Variants in PLCB1 observed in about 807,000 individuals in gnomAD.
PLCB1 encodes 1-phosphatidylinositol 4,5-bisphosphate phosphodiesterase beta-1.
In PLCB1, 46 loss-of-function variants were observed where a neutral mutation model predicts 161.8. The observed-to-expected ratio is 0.28, with a 90% CI of 0.22 to 0.36. PLCB1 has a LOEUF of 0.36. PLCB1 is among the 10% of genes least tolerant of loss of function. The probability of loss-of-function intolerance (pLI) is 1.00; values close to 1 mark genes in which losing one functional copy is unlikely to be tolerated. For synonymous variants in PLCB1, 517 were observed against 503.7 expected (o/e 1.03, Z -0.35); for missense variants, 1,016 against 1,472.5 (o/e 0.69, Z 5.07).
intron 2 of PLCB1, among the ~76,000 whole-genome samples, chr20:8,234,630 G>C (rs1054260163): frequency 6.6e-6 from 1 of 152,004 alleles, no homozygotes; most frequent in Non-Finnish European, 1.5e-5. Flanking sequence ...CAAGACATAC[G>C]CATACTTTAG....
chr20:8,443,860 A>G (rs1451099359), intron 3 of PLCB1, among the ~76,000 whole-genome samples: 1 of 151,922 alleles, frequency 6.6e-6, no homozygotes, highest in African/African-American at 2.4e-5. Context: ...TTCCACCCCT[A>G]CCCCAATTCT....
intron 26 of PLCB1, among the ~76,000 whole-genome samples, chr20:8,770,080 G>A (rs553239824): frequency 1.3e-5 from 2 of 152,236 alleles, no homozygotes; most frequent in Admixed American, 1.3e-4. Context: ...AGCCTCCTGA[G>A]TAGCTGGGAC....
chr20:8,765,276 A>G lies in PLCB1; in HGVS notation c.2848A>G (p.Thr950Ala). The G allele has an allele frequency of 1.2e-6, 2 of 1,614,108 alleles. No homozygotes were observed. The highest frequency in any genetic ancestry group is 1.7e-6 in the Non-Finnish European group (2 of 1,179,956). The change falls in exon 26 of 32, where the codon ACC (threonine) becomes GCC (alanine). Residue 950 changes from threonine (T) to alanine (A), a missense_variant. Thr to Ala is a moderately conservative substitution (Grantham distance 58, BLOSUM62 0). Coordinates refer to ENST00000338037, the MANE Select transcript of PLCB1 (RefSeq NM_015192.4). The part of the protein sequence containing the change: ...KTTDLIKEHT[T>A]KYNEIQNDYL... The stretch of plus-strand genomic sequence containing the variant: ...CACTGACCTTATCAAAGAACACACT[A>G]CCAAGTATAATGAAATTCAGAATGA...
chr20:8,381,145 A>G (rs1341394560), intron 3 of PLCB1, among the ~76,000 whole-genome samples: 1 of 152,190 alleles, frequency 6.6e-6, no homozygotes, highest in Non-Finnish European at 1.5e-5. Context: ...GAGAGTTTTT[A>G]GCATGAAGTG....
At chr20:8,547,165 A>G (rs1824058442) in intron 3 of PLCB1, among the ~76,000 whole-genome samples, 1 of 139,300 alleles carries the variant, frequency 7.2e-6, no homozygotes, top group Admixed American at 7.1e-5. Context: ...AAGCCAGCTC[A>G]TTGTTTCTTC....
chr20:8,323,142 G>A (rs763915456), intron 2 of PLCB1, among the ~76,000 whole-genome samples: 117 of 152,212 alleles, frequency 7.7e-4, no homozygotes, highest in Non-Finnish European at 1.5e-3. Flanking sequence ...CACAGCTTGC[G>A]GGATTTGGTC....
At chr20:8,532,767 G>A (rs1984864037) in intron 3 of PLCB1, among the ~76,000 whole-genome samples, 1 of 152,024 alleles carries the variant, frequency 6.6e-6, no homozygotes, top group African/African-American at 2.4e-5. Flanking sequence ...AAGAGACCTG[G>A]AAAGGAAAAA....
intron 3 of PLCB1, among the ~76,000 whole-genome samples, chr20:8,616,073 C>T (rs1988033816): frequency 1.3e-5 from 2 of 152,168 alleles, no homozygotes; most frequent in African/African-American, 4.8e-5. Context: ...CTGAATCCAA[C>T]ATCAAGTCAA....
chr20:8,732,833 ATATT>A (rs1250249993), intron 18 of PLCB1, among the ~76,000 whole-genome samples: 48 of 134,102 alleles, frequency 3.6e-4, no homozygotes, highest in Middle Eastern at 4.0e-3. Flanking sequence ...TGTATATACT[ATATT>A]TATATATAAT....
At chr20:8,828,147 T>A (rs951100320) in intron 31 of PLCB1, among the ~76,000 whole-genome samples, 1 of 152,074 alleles carries the variant, frequency 6.6e-6, no homozygotes, top group Non-Finnish European at 1.5e-5. Flanking sequence ...ATATCCTGCA[T>A]TGGGGGGTGT....
Position 8,765,245 on chromosome 20 carries a change from G to A in PLCB1, c.2817G>A (p.Lys939=), listed in dbSNP as rs780774263. 6.8e-6 allele frequency: 11 copies of A among 1,613,886 alleles called. No individual in the cohort carries two copies. The highest frequency in any genetic ancestry group is 8.5e-6 in the Non-Finnish European group (10 of 1,179,820). Residue 939 remains lysine, a synonymous_variant, in exon 26 of 32, where the codon AAG becomes AAA. Transcript: ENST00000338037. ...EMKDLVKRHH[K]KTTDLIKEHT... is the part of the protein sequence containing the mutation. ...AAGACCTGGTTAAGAGACACCACAA[G>A]AAAACCACTGACCTTATCAAAGAAC...
intron 3 of PLCB1, among the ~76,000 whole-genome samples, chr20:8,495,952 A>C (rs1983152905): frequency 6.6e-6 from 1 of 152,074 alleles, no homozygotes; most frequent in Non-Finnish European, 1.5e-5. Context: ...TTTATTAATC[A>C]CAATAGGACA....
intron 31 of PLCB1, among the ~76,000 whole-genome samples, chr20:8,876,533 C>G (rs1987785719): frequency 6.6e-6 from 1 of 152,170 alleles, no homozygotes; most frequent in African/African-American, 2.4e-5. Context: ...AGACTACTTT[C>G]TGTTCCCCTC....
intron 3 of PLCB1, among the ~76,000 whole-genome samples, chr20:8,455,492 G>A (rs1981273444): frequency 7.8e-6 from 1 of 127,532 alleles, no homozygotes; most frequent in Non-Finnish European, 1.6e-5. Flanking sequence ...CCAGGCTAGA[G>A]TGCAGTCTTG....
At chr20:8,154,183 T>C (rs963311800) in intron 2 of PLCB1, among the ~76,000 whole-genome samples, 2 of 152,210 alleles carry the variant, frequency 1.3e-5, no homozygotes, top group Admixed American at 1.3e-4. Context: ...TACCATATAG[T>C]GTGTCTCAGA....
chr20:8,881,555 GT>G (rs1255958834), intron 31 of PLCB1, 66 bp from the exon 32 acceptor site: 1 of 1,154,858 alleles, frequency 8.7e-7, no homozygotes, highest in Non-Finnish European at 1.3e-6. Context: ...CTTTCAGAGA[GT>G]TTCTATGGGA....
chr20:8,159,755 A>T (rs888464787), intron 2 of PLCB1, among the ~76,000 whole-genome samples: 6 of 151,960 alleles, frequency 3.9e-5, no homozygotes, highest in African/African-American at 1.4e-4. Context: ...TGGGAGGCTG[A>T]GTTGGGTGGA....
At chr20:8,610,579 C>A (rs1040929013) in intron 3 of PLCB1, among the ~76,000 whole-genome samples, 1 of 152,126 alleles carries the variant, frequency 6.6e-6, no homozygotes, top group Non-Finnish European at 1.5e-5. Context: ...TTGGCTATGA[C>A]ATTTTACCTT....
chr20:8,707,323 A>G (rs1978741090), intron 11 of PLCB1, among the ~76,000 whole-genome samples: 1 of 152,188 alleles, frequency 6.6e-6, no homozygotes, highest in Admixed American at 6.5e-5. Context: ...GATAGCAGAA[A>G]AGGCTCAGGC....
Sources: gnomAD v4.1 joint callset for allele counts (sites outside exome capture counted in the v4.1 genomes callset) on GRCh38, gnomAD v4.1.1 for gene constraint, MANE v1.5 for transcripts, NCBI Gene and HGNC (gene_info 2026-07-23, HGNC 2026-07-21) for gene names.